The following HMGXB4 variants were observed in gnomAD, a reference collection of about 807,000 sequenced individuals.
The protein encoded by HMGXB4 is HMG-box containing 4.
A neutral mutation model predicts 63.9 loss-of-function variants in HMGXB4; 27 were observed. The observed-to-expected ratio is 0.42, with a 90% CI of 0.31 to 0.58. The LOEUF (loss-of-function observed/expected upper bound fraction) is 0.58, where lower values mean the gene tolerates loss of function less well. Ranked by LOEUF, HMGXB4 falls within the 20% of genes least tolerant of loss-of-function variation. HMGXB4 has a pLI of 0.13. For missense variants in HMGXB4, 624 were observed against 700.7 expected (o/e 0.89, Z 1.24); for synonymous variants, 264 against 265.3 (o/e 0.99, Z 0.05).
intron 5 of HMGXB4, among the ~76,000 whole-genome samples, chr22:35,274,956 G>A (rs569348846): frequency 5.3e-5 from 8 of 152,236 alleles, no homozygotes; most frequent in South Asian, 2.1e-4. Flanking sequence ...CTGCCACTCC[G>A]TGGAGCTGTG....
intron 9 of HMGXB4, among the ~76,000 whole-genome samples, chr22:35,288,701 G>A (rs1924741069): frequency 6.6e-6 from 1 of 152,172 alleles, no homozygotes; most frequent in African/African-American, 2.4e-5. Flanking sequence ...AAAATGCAGT[G>A]GAGGCTGGGC....
intron 1 of HMGXB4, among the ~76,000 whole-genome samples, chr22:35,259,908 T>G (rs1304356376): frequency 6.6e-6 from 1 of 152,262 alleles, no homozygotes; most frequent in African/African-American, 2.4e-5. Context: ...CCACATTTTC[T>G]TGGTTGGCCT....
intron 9 of HMGXB4, among the ~76,000 whole-genome samples, chr22:35,290,650 A>AAG (rs1924881713): frequency 6.6e-6 from 1 of 151,016 alleles, no homozygotes; most frequent in Non-Finnish European, 1.5e-5. Flanking sequence ...AAAAAAAAAA[A>AAG]AAAGAAACCC....
the HMGXB4 span, among the ~76,000 whole-genome samples, chr22:35,252,376 C>T: frequency 2.0e-5 from 3 of 152,330 alleles, no homozygotes; most frequent in East Asian, 3.9e-4. Flanking sequence ...CTTTCCATTT[C>T]CCCCATGCTC....
Position 35,259,793 on chromosome 22 carries a change from CCTT to C in HMGXB4, c.-69+2240_-69+2242del, listed in dbSNP as rs200324168. ...ATTGGACGTGTCTTCAGGCCTCATT[CCTT>C]CTTTTTTCTTCAGGTTATTTAATCC... On this transcript the variant is annotated intron_variant, in intron 1 of 10. Coordinates refer to ENST00000216106, the MANE Select transcript of HMGXB4 (RefSeq NM_001003681.3). Among the ~76,000 whole-genome samples, 1,372 of 152,276 alleles carry C rather than the reference CCTT, an allele frequency of 9.0e-3. 15 individuals carry two copies. Among genetic ancestry groups the C allele is most frequent in the African/African-American group, 0.031 (1,297 of 41,546 alleles).
intron 5 of HMGXB4, among the ~76,000 whole-genome samples, chr22:35,268,818 C>T (rs1282809292): frequency 6.6e-6 from 1 of 152,160 alleles, no homozygotes; most frequent in African/African-American, 2.4e-5. Context: ...AGACTTGTTT[C>T]CCATACATTC....
Position 35,286,005 on chromosome 22 carries a change from G to A in HMGXB4, c.1306G>A (p.Glu436Lys). The change falls in exon 7 of 11, where the codon GAA (glutamate) becomes AAA (lysine). Residue 436 changes from glutamate to lysine, a missense_variant. Transcript: ENST00000216106. ...TTACTCTTTTATGCCAGATTTTGGGGAACTTAGTAAAAAACTGGCTGAGGT... is the reference window on the plus strand; with the variant it reads ...TTACTCTTTTATGCCAGATTTTGGGAAACTTAGTAAAAAACTGGCTGAGGT... Reference protein sequence around the residue: ...VADHPGIDFGELSKKLAEVWK... With the variant: ...VADHPGIDFGKLSKKLAEVWK... The A allele has an allele frequency of 6.2e-7, 1 of 1,609,494 alleles. No individual in the cohort carries two copies.
the HMGXB4 span, among the ~76,000 whole-genome samples, chr22:35,245,905 C>G: frequency 6.6e-6 from 1 of 152,126 alleles, no homozygotes; most frequent in East Asian, 1.9e-4. Context: ...CCACTGACAC[C>G]AGGTCCAGGG....
intron 9 of HMGXB4, among the ~76,000 whole-genome samples, chr22:35,292,630 C>T (rs7291420): frequency 0.061 from 9,351 of 152,142 alleles, 373 homozygotes; most frequent in African/African-American, 0.11. Context: ...CTATATTTGT[C>T]GAGTTTATAA....
At chr22:35,245,714 G>A in the HMGXB4 span, among the ~76,000 whole-genome samples, 22 of 152,128 alleles carry the variant, frequency 1.4e-4, no homozygotes, top group Non-Finnish European at 2.9e-4. Context: ...GGGCAAAGAG[G>A]GGTTTGCCGC....
chr22:35,250,324 G>A, the HMGXB4 span, among the ~76,000 whole-genome samples: 5 of 152,158 alleles, frequency 3.3e-5, no homozygotes, highest in Non-Finnish European at 7.3e-5. Flanking sequence ...TTCTAGTGAC[G>A]AAACTTACAA....
At chr22:35,253,601 G>A (rs761840678), upstream of HMGXB4, among the ~76,000 whole-genome samples, 2 of 34,184 alleles carry the variant, frequency 5.9e-5, no homozygotes, top group Non-Finnish European at 3.2e-4. Context: ...TGGATTTTGT[G>A]CGCGCGCGCG....
chr22:35,259,055 C>T lies in HMGXB4; in HGVS notation c.-69+1498C>T, dbSNP rs1304820115. Among the ~76,000 whole-genome samples the T allele has an allele frequency of 5.9e-5, 9 of 152,184 alleles. 1 individual carries two copies. Among genetic ancestry groups the T allele is most frequent in the Non-Finnish European group, 1.3e-4 (9 of 68,042 alleles). On this transcript the variant is annotated intron_variant, in intron 1 of 10. Coordinates refer to ENST00000216106, the MANE Select transcript of HMGXB4 (RefSeq NM_001003681.3). Reference sequence around the variant, plus strand: ...TGCTATATCTGAGGACTTTTTCCTCCTGATTACTTTGGTCATCCCAAAGGC... The same window carrying T: ...TGCTATATCTGAGGACTTTTTCCTCTTGATTACTTTGGTCATCCCAAAGGC...
At position 35,283,952 on chromosome 22, in the gene HMGXB4, G is replaced by A. The variant is rs996277686; in HGVS notation, c.1216-10G>A. Reference sequence around the variant, plus strand: ...AGTCTTACCCTGTTGTATCTTCTATGCGGCATTAGCCAAAAAAGAAGAACA... The same window carrying A: ...AGTCTTACCCTGTTGTATCTTCTATACGGCATTAGCCAAAAAAGAAGAACA... On this transcript the variant is annotated splice_polypyrimidine_tract_variant and intron_variant, in intron 5 of 10. Transcript: ENST00000216106. 5 of 1,606,276 alleles carry A rather than the reference G, an allele frequency of 3.1e-6. No homozygotes were observed. The highest frequency in any genetic ancestry group is 4.3e-6 in the Non-Finnish European group (5 of 1,172,814).
chr22:35,288,160 A>G lies in HMGXB4; in HGVS notation c.1469-78A>G, dbSNP rs912893174. 7 of 1,242,064 alleles carry G rather than the reference A, an allele frequency of 5.6e-6. No homozygotes were observed. In the African/African-American group the frequency reaches 1.1e-4, roughly 19 times the overall value. 76.9% of individuals were successfully genotyped at this position (1,242,064 alleles called of 1,614,324 possible). A position where few individuals can be genotyped will look rare whatever the true frequency, so the allele number is the denominator to read the frequency against. On this transcript the variant is annotated intron_variant, in intron 8 of 10. Transcript: ENST00000216106. ...TGCCTGGTATAATTCATAAAAAGGG[A>G]AAATCAGGAAGAACAACTTTGTGTT... is the stretch of plus-strand genomic sequence containing the variant.
chr22:35,285,307 G>A (rs1040776694), intron 6 of HMGXB4, among the ~76,000 whole-genome samples: 1 of 152,222 alleles, frequency 6.6e-6, no homozygotes. Flanking sequence ...CACTTTGGGA[G>A]GCCGAGGTGG....
intron 5 of HMGXB4, among the ~76,000 whole-genome samples, chr22:35,282,446 C>T (rs1327956686): frequency 1.3e-5 from 2 of 152,142 alleles, no homozygotes; most frequent in Non-Finnish European, 2.9e-5. Context: ...CAGGTGTGAG[C>T]TACCCCACCC....
Position 35,274,008 on chromosome 22 carries a change from C to T in HMGXB4, c.1215+8405C>T, listed in dbSNP as rs114810541. On this transcript the variant is annotated intron_variant, in intron 5 of 10. Transcript: ENST00000216106. The stretch of plus-strand genomic sequence containing the variant: ...TCTGAGACTTTGCTATTCAATAGTA[C>T]ATATTTACTCTGCTCTTAAATCCTC... 1.9e-3 allele frequency among the ~76,000 whole-genome samples: 292 copies of T among 152,310 alleles called. 2 individuals carry two copies. The highest frequency in any genetic ancestry group is 6.9e-3 in the African/African-American group (285 of 41,572).
intron 5 of HMGXB4, among the ~76,000 whole-genome samples, chr22:35,278,267 T>C (rs2146424800): frequency 6.6e-6 from 1 of 152,354 alleles, no homozygotes; most frequent in Middle Eastern, 3.4e-3. Context: ...GTAAGACGTC[T>C]TGGTTGCTGT....
Sources: gnomAD v4.1 joint callset for allele counts (sites outside exome capture counted in the v4.1 genomes callset) on GRCh38, gnomAD v4.1.1 for gene constraint, MANE v1.5 for transcripts, NCBI Gene and HGNC (gene_info 2026-07-23, HGNC 2026-07-21) for gene names.